ROBO1: variants seen among roughly 807,000 people sequenced by gnomAD.
The protein encoded by ROBO1 is roundabout homolog 1.
ROBO1 carries 149 observed loss-of-function variants against 195.9 expected under a neutral mutation model. That is an observed-to-expected ratio of 0.76 (90% CI 0.67 to 0.87). The LOEUF is 0.87. ROBO1 is among the 40% of genes least tolerant of loss of function. The probability of loss-of-function intolerance (pLI) is 0.00; values close to 1 mark genes in which losing one functional copy is unlikely to be tolerated. For missense variants in ROBO1, 1,933 were observed against 2,068.3 expected (o/e 0.93, Z 1.27); for synonymous variants, 816 against 733.2 (o/e 1.11, Z -1.82).
chr3:79,310,463 G>T (rs2033431701), intron 2 of ROBO1, among the ~76,000 whole-genome samples: 2 of 152,130 alleles, frequency 1.3e-5, no homozygotes, highest in African/African-American at 4.8e-5. Flanking sequence ...GCTGCTCAGG[G>T]ACTACTTCTT....
intron 1 of ROBO1, among the ~76,000 whole-genome samples, chr3:79,761,432 A>T (rs986970596): frequency 2.0e-5 from 3 of 152,118 alleles, no homozygotes; most frequent in Non-Finnish European, 4.4e-5. Context: ...GGGAGATTCA[A>T]TCTGGAAGAG....
chr3:78,640,032 T>A, intron 21 of ROBO1, 134 bp from the exon 22 acceptor site: 1 of 759,180 alleles, frequency 1.3e-6, no homozygotes, highest in Non-Finnish European at 2.0e-6. Flanking sequence ...GACATTATTA[T>A]CCCTTTTATT....
At chr3:79,592,595 T>C (rs1286194769) in intron 1 of ROBO1, among the ~76,000 whole-genome samples, 1 of 151,952 alleles carries the variant, frequency 6.6e-6, no homozygotes, top group East Asian at 1.9e-4. Flanking sequence ...GAGTGGAAGG[T>C]AAAGAGATTT....
intron 2 of ROBO1, among the ~76,000 whole-genome samples, chr3:79,282,009 T>C (rs575078474): frequency 3.4e-4 from 52 of 152,300 alleles, no homozygotes; most frequent in African/African-American, 9.6e-4. Context: ...CCTAAATTAG[T>C]GCTGGAAATA....
At chr3:78,811,740 C>A (rs533767854) in intron 4 of ROBO1, among the ~76,000 whole-genome samples, 1 of 152,248 alleles carries the variant, frequency 6.6e-6, no homozygotes, top group Admixed American at 6.5e-5. Context: ...CTGTGTCCGA[C>A]ATGCCAGAAT....
intron 2 of ROBO1, among the ~76,000 whole-genome samples, chr3:79,287,897 A>G (rs2031989651): frequency 6.6e-6 from 1 of 152,056 alleles, no homozygotes; most frequent in South Asian, 2.1e-4. Flanking sequence ...TTATGTAGTC[A>G]TATTTTTTAC....
intron 4 of ROBO1, among the ~76,000 whole-genome samples, chr3:78,772,805 T>G (rs2083410858): frequency 6.6e-6 from 1 of 152,068 alleles, no homozygotes; most frequent in Non-Finnish European, 1.5e-5. Context: ...TCACAAGAAT[T>G]GGTGAAGAGT....
At chr3:78,961,965 C>T (rs2041374782) in intron 3 of ROBO1, among the ~76,000 whole-genome samples, 1 of 151,580 alleles carries the variant, frequency 6.6e-6, no homozygotes, top group African/African-American at 2.4e-5. Flanking sequence ...CCTCTCTACC[C>T]TCAGTTACTG....
intron 2 of ROBO1, among the ~76,000 whole-genome samples, chr3:79,387,106 T>C (rs1296782826): frequency 2.6e-5 from 4 of 152,104 alleles, no homozygotes; most frequent in Non-Finnish European, 5.9e-5. Flanking sequence ...TGAACTATTA[T>C]AGTTTAGAGG....
intron 3 of ROBO1, among the ~76,000 whole-genome samples, chr3:79,066,116 A>C (rs948438807): frequency 7.2e-5 from 11 of 152,070 alleles, no homozygotes; most frequent in African/African-American, 2.6e-4. Context: ...ACTGAGCTAC[A>C]ACATGAGAGA....
At chr3:78,649,125 TAAA>T (rs5850379) in intron 19 of ROBO1, among the ~76,000 whole-genome samples, 2 of 132,294 alleles carry the variant, frequency 1.5e-5, no homozygotes, top group African/African-American at 5.4e-5. Flanking sequence ...CAAGTCTTCA[TAAA>T]AAAAAAAAAA....
chr3:78,884,317 T>C (rs1013002361), intron 4 of ROBO1, among the ~76,000 whole-genome samples: 1 of 152,010 alleles, frequency 6.6e-6, no homozygotes, highest in African/African-American at 2.4e-5. Context: ...AGTTATCAAA[T>C]AGCAATAGTC....
intron 2 of ROBO1, among the ~76,000 whole-genome samples, chr3:79,220,291 T>G (rs1464282929): frequency 6.6e-6 from 1 of 152,056 alleles, no homozygotes; most frequent in Non-Finnish European, 1.5e-5. Context: ...CCAAAATATT[T>G]CACTCTGGAA....
In ROBO1 at chr3:78,598,652, A is replaced by T. The variant is rs1224000111; in HGVS notation, c.*261T>A. Reference sequence around the variant, plus strand: ...GATGACTGAAGCAAGAAGTCAAAGCACTTTGCTTGCTGGAAGTAAGGTATA... The same window carrying T: ...GATGACTGAAGCAAGAAGTCAAAGCTCTTTGCTTGCTGGAAGTAAGGTATA... On this transcript the variant is annotated 3_prime_UTR_variant, in exon 31 of 31. Coordinates refer to ENST00000464233, the MANE Select transcript of ROBO1 (RefSeq NM_002941.4). 3.1e-6 allele frequency: 1 copy of T among 322,032 alleles called. No individual in the cohort carries two copies. Among genetic ancestry groups the T allele is most frequent in the Non-Finnish European group, 5.6e-6 (1 of 177,542 alleles). 19.9% of individuals were successfully genotyped at this position (322,032 alleles called of 1,614,324 possible).
chr3:79,254,731 T>C (rs1004724358), intron 2 of ROBO1, among the ~76,000 whole-genome samples: 1 of 152,138 alleles, frequency 6.6e-6, no homozygotes, highest in Non-Finnish European at 1.5e-5. Flanking sequence ...TCGGGAAGTC[T>C]CTCTCATTAT....
At chr3:79,071,792 C>A (rs2079096071) in intron 3 of ROBO1, among the ~76,000 whole-genome samples, 1 of 151,450 alleles carries the variant, frequency 6.6e-6, no homozygotes, top group African/African-American at 2.4e-5. Flanking sequence ...GTATTCTCAG[C>A]AGCAGAGACT....
At chr3:79,337,006 C>G (rs2034698891) in intron 2 of ROBO1, among the ~76,000 whole-genome samples, 1 of 152,128 alleles carries the variant, frequency 6.6e-6, no homozygotes, top group African/African-American at 2.4e-5. Flanking sequence ...GGCCTATAGC[C>G]CCTTTGTTTT....
intron 2 of ROBO1, among the ~76,000 whole-genome samples, chr3:79,126,763 G>A (rs2080223505): frequency 6.6e-6 from 1 of 152,130 alleles, no homozygotes; most frequent in Non-Finnish European, 1.5e-5. Context: ...GTACATGCAG[G>A]TACTGCCCCT....
intron 3 of ROBO1, among the ~76,000 whole-genome samples, chr3:78,991,006 G>A (rs1214725232): frequency 6.6e-6 from 1 of 152,158 alleles, no homozygotes; most frequent in African/African-American, 2.4e-5. Context: ...ATAAATCATT[G>A]TGAAAACATT....
Sources: gnomAD v4.1 joint callset for allele counts (sites outside exome capture counted in the v4.1 genomes callset) on GRCh38, gnomAD v4.1.1 for gene constraint, MANE v1.5 for transcripts, NCBI Gene and HGNC (gene_info 2026-07-23, HGNC 2026-07-21) for gene names.